The following ZCCHC10 variants were observed in gnomAD, a reference collection of about 807,000 sequenced individuals.
The protein encoded by ZCCHC10 is zinc finger CCHC-type containing 10.
In ZCCHC10, 16 loss-of-function variants were observed where a neutral mutation model predicts 19.5. The ratio of observed to expected loss-of-function variants is 0.82; its 90% CI spans 0.56 to 1.25. The LOEUF (loss-of-function observed/expected upper bound fraction) is 1.25. Among genes scored for constraint, ZCCHC10 ranks in the 50% most tolerant of loss-of-function variants. The pLI is 0.00. For synonymous variants in ZCCHC10, 67 were observed against 72.5 expected (o/e 0.92, Z 0.38); for missense variants, 197 against 201.0 (o/e 0.98, Z 0.12).
chr5:133,023,688 T>C (rs1764480645), intron 1 of ZCCHC10, among the ~76,000 whole-genome samples: 1 of 151,798 alleles, frequency 6.6e-6, no homozygotes, highest in Admixed American at 6.6e-5. Flanking sequence ...GGAGAATCAC[T>C]TGAACCTGGG....
chr5:133,001,894 CATAAA>C (rs1427338034), intron 3 of ZCCHC10, among the ~76,000 whole-genome samples: 1 of 147,654 alleles, frequency 6.8e-6, no homozygotes, highest in African/African-American at 2.5e-5. Context: ...TCATTTTGGG[CATAAA>C]ATAAGAGGGT....
chr5:133,001,953 C>CTTTTTTTTTTTTTT (rs34331639), intron 3 of ZCCHC10, among the ~76,000 whole-genome samples: 1 of 77,842 alleles, frequency 1.3e-5, no homozygotes. Context: ...ATTCAGCAAT[C>CTTTTTTTTTTTTTT]TTTTTTTTTT....
Position 132,999,360 on chromosome 5 carries a change from A to G in ZCCHC10, c.312-510T>C, listed in dbSNP as rs139492665. Reference sequence around the variant, plus strand: ...CTTTACAAGGCATTGTTACTTCAGCAACTTAATTCTCTTGGATGGAATTCA... The same window carrying G: ...CTTTACAAGGCATTGTTACTTCAGCGACTTAATTCTCTTGGATGGAATTCA... On this transcript the variant is annotated intron_variant, in intron 4 of 4. Coordinates refer to ENST00000509437, the MANE Select transcript of ZCCHC10 (RefSeq NM_001300816.3). Among the ~76,000 whole-genome samples the G allele has an allele frequency of 1.3e-3, 198 of 152,340 alleles. 1 individual carries two copies. Among genetic ancestry groups the G allele is most frequent in the African/African-American group, 4.6e-3 (191 of 41,584 alleles).
chr5:133,019,587 C>A (rs1166244351), intron 2 of ZCCHC10, among the ~76,000 whole-genome samples: 1 of 152,082 alleles, frequency 6.6e-6, no homozygotes, highest in Non-Finnish European at 1.5e-5. Context: ...TGTAAATGGA[C>A]ACCGCTGGTA....
intron 2 of ZCCHC10, chr5:133,011,350 C>A (rs1215040985): frequency 1.3e-5 from 2 of 151,770 alleles, no homozygotes. Context: ...TTAGGCCAGG[C>A]ATGGTGGCTC....
intron 2 of ZCCHC10, among the ~76,000 whole-genome samples, chr5:133,016,027 G>A (rs754238057): frequency 1.2e-4 from 19 of 152,112 alleles, no homozygotes; most frequent in Non-Finnish European, 2.6e-4. Context: ...TGGTCAGTGG[G>A]AGCTCCTTCA....
chr5:133,010,582 AGC>A (rs1763434241), intron 2 of ZCCHC10, among the ~76,000 whole-genome samples: 1 of 152,180 alleles, frequency 6.6e-6, no homozygotes. Flanking sequence ...ACCTTATATT[AGC>A]TATAGAGACA....
At chr5:133,008,051 C>T (rs977712414) in intron 2 of ZCCHC10, among the ~76,000 whole-genome samples, 1 of 151,288 alleles carries the variant, frequency 6.6e-6, no homozygotes, top group African/African-American at 2.4e-5. Flanking sequence ...CGGTGAAACC[C>T]TGTCTCTACT....
At chr5:133,011,801 T>A (rs1277992111) in intron 2 of ZCCHC10, among the ~76,000 whole-genome samples, 1 of 151,718 alleles carries the variant, frequency 6.6e-6, no homozygotes, top group Non-Finnish European at 1.5e-5. Context: ...ATCCCAAAAG[T>A]TTTTTTGGGT....
chr5:133,002,871 C>T (rs986283197), intron 3 of ZCCHC10, among the ~76,000 whole-genome samples: 2 of 151,984 alleles, frequency 1.3e-5, no homozygotes, highest in Non-Finnish European at 2.9e-5. Context: ...AGGTGCCCGC[C>T]ACCATGCCTG....
At chr5:133,018,381 G>A (rs1041086501) in intron 2 of ZCCHC10, among the ~76,000 whole-genome samples, 1 of 151,402 alleles carries the variant, frequency 6.6e-6, no homozygotes, top group African/African-American at 2.4e-5. Flanking sequence ...CTCCTGGGCT[G>A]AAGCAATCCT....
rs76124035 is a variant in ZCCHC10 at position 133,022,934 on chromosome 5, A to G, written c.42-28T>C. 3,776 of 535,842 alleles carry G rather than the reference A, an allele frequency of 7.0e-3. 103 individuals carry two copies. In the East Asian group the frequency reaches 0.074, roughly 11 times the overall value. 33.2% of individuals were successfully genotyped at this position (535,842 alleles called of 1,614,324 possible). A position where few individuals can be genotyped will look rare whatever the true frequency, so the allele number is the denominator to read the frequency against. On this transcript the variant is annotated intron_variant, in intron 1 of 4. Coordinates refer to ENST00000509437, the MANE Select transcript of ZCCHC10 (RefSeq NM_001300816.3). ...AACAAGATGAAATTTAACAAGGACA[A>G]AGGTAAGTCTGACACTTAAGTCCAG...
In ZCCHC10 at chr5:133,003,380, T is replaced by C. The variant is rs142102047; in HGVS notation, c.270-3207A>G. On this transcript the variant is annotated intron_variant, in intron 3 of 4. Coordinates refer to ENST00000509437, the MANE Select transcript of ZCCHC10 (RefSeq NM_001300816.3). ...CAGATTTCTAAATGAAATGTTTTAC[T>C]ATAAAGCTCCTTTAGAATGAAGGTC... The C allele has an allele frequency of 2.9e-5, 9 of 307,882 alleles. No individual in the cohort carries two copies. In the East Asian group the frequency reaches 8.2e-4, roughly 28 times the overall value. 19.1% of individuals were successfully genotyped at this position (307,882 alleles called of 1,614,324 possible).
intron 3 of ZCCHC10, among the ~76,000 whole-genome samples, chr5:133,003,720 A>T (rs1055626171): frequency 2.0e-5 from 3 of 152,064 alleles, no homozygotes; most frequent in Admixed American, 1.3e-4. Context: ...ATATATATAT[A>T]TTTTTGGCGA....
At chr5:133,023,027 T>C (rs2126657082) in intron 1 of ZCCHC10, 121 bp from the exon 2 acceptor site, 1 of 401,300 alleles carries the variant, frequency 2.5e-6, no homozygotes, top group Admixed American at 4.4e-5. Flanking sequence ...GTTTTTTAAC[T>C]GACTGAAATC....
rs566651532 is a variant in ZCCHC10, at chr5:133,001,539, G to A, written c.270-1366C>T. 2.7e-4 allele frequency among the ~76,000 whole-genome samples: 41 copies of A among 151,564 alleles called. No homozygotes were observed. In the South Asian group the frequency reaches 7.5e-3, roughly 28 times the overall value. On this transcript the variant is annotated intron_variant, in intron 3 of 4. Coordinates refer to ENST00000509437, the MANE Select transcript of ZCCHC10 (RefSeq NM_001300816.3). ...TGCAGTGGCATGATCTTGGCTTACC[G>A]CAACCTCTGCCTCCCAGCCTCAAGC...
In ZCCHC10 at chr5:133,000,139, T is replaced by A; in HGVS notation, c.304A>T (p.Lys102Ter). The change falls in exon 4 of 5, where the codon AAA becomes TAA. Residue 102 changes from lysine (K) to a stop codon, truncating the protein, a stop_gained. Transcript: ENST00000509437. LOFTEE classifies it high-confidence loss of function. ...GETNVERKAK[K>*]KRSKSVTSSS... is the part of the protein sequence containing the mutation. The stretch of plus-strand genomic sequence containing the variant: ...TGCTAAAACCACACATACCTTTTTT[T>A]CTTGGCCTTTCTTTCTACATTGGTT... 1 of 1,614,040 alleles carries A rather than the reference T, an allele frequency of 6.2e-7. No homozygotes were observed. Among genetic ancestry groups the A allele is most frequent in the East Asian group, 2.2e-5 (1 of 44,878 alleles).
rs1434181390 is a variant in ZCCHC10 at position 133,025,521 on chromosome 5, A to AG, written c.41+975_41+976insC. 1.1e-3 allele frequency among the ~76,000 whole-genome samples: 168 copies of AG among 147,838 alleles called. 7 individuals are homozygous for AG. Among genetic ancestry groups the AG allele is most frequent in the African/African-American group, 4.0e-3 (154 of 38,440 alleles). ...TCCGCCTCAAAAAAAAAAAAAAAAA[A>AG]AAAAAAAAAAAAGAAAGGGGCATCT... On this transcript the variant is annotated intron_variant, in intron 1 of 4. Transcript: ENST00000509437.
chr5:132,998,560 A>C lies in ZCCHC10; in HGVS notation c.*23T>G. ...ATCACATCAATGTTTTCAGTCCATC[A>C]GTCCAATATGAATGGAGCAACTCTA... On this transcript the variant is annotated 3_prime_UTR_variant, in exon 5 of 5. Transcript: ENST00000509437. The C allele has an allele frequency of 6.3e-7, 1 of 1,594,784 alleles. No individual in the cohort carries two copies. The highest frequency in any genetic ancestry group is 8.6e-7 in the Non-Finnish European group (1 of 1,168,122).
Sources: allele counts gnomAD v4.1 joint callset (sites outside exome capture counted in the v4.1 genomes callset), GRCh38; gene constraint gnomAD v4.1.1; transcripts MANE v1.5; gene names NCBI Gene and HGNC (gene_info 2026-07-23, HGNC 2026-07-21).